The following TFB1M variants were observed in gnomAD, a reference collection of about 807,000 sequenced individuals.
TFB1M encodes transcription factor B1, mitochondrial.
TFB1M carries 27 observed loss-of-function variants against 31.1 expected under a neutral mutation model. The ratio of observed to expected loss-of-function variants is 0.87; its 90% CI spans 0.64 to 1.20. The LOEUF (loss-of-function observed/expected upper bound fraction) is 1.20, where lower values mean the gene tolerates loss of function less well. Ranked by LOEUF, TFB1M falls within the 50% of genes most tolerant of loss-of-function variation. TFB1M has a pLI of 0.00. For missense variants in TFB1M, 394 were observed against 418.7 expected, an observed-to-expected ratio of 0.94 and a Z score of 0.51; for synonymous variants, 166 against 151.8, an observed-to-expected ratio of 1.09 and a Z score of -0.69.
the TFB1M span, among the ~76,000 whole-genome samples, chr6:155,243,846 C>CAAAAAAAAAAAAAA: frequency 2.5e-4 from 14 of 55,052 alleles, no homozygotes; most frequent in African/African-American, 1.0e-3. Context: ...GACTCCGTCT[C>CAAAAAAAAAAAAAA]AAAAAAAAAA....
intron 5 of TFB1M, among the ~76,000 whole-genome samples, chr6:155,269,157 C>T (rs1030580822): frequency 4.0e-5 from 6 of 151,692 alleles, no homozygotes; most frequent in Non-Finnish European, 8.8e-5. Flanking sequence ...AGAGGTAGGA[C>T]TTACAAATAT....
chr6:155,262,936 A>G (rs1382865518), intron 5 of TFB1M, among the ~76,000 whole-genome samples: 1 of 152,264 alleles, frequency 6.6e-6, no homozygotes. Flanking sequence ...GTTTGAATAC[A>G]ATTCCAATAC....
chr6:155,302,116 A>C (rs920376922), intron 2 of TFB1M, among the ~76,000 whole-genome samples: 1 of 152,228 alleles, frequency 6.6e-6, no homozygotes, highest in Non-Finnish European at 1.5e-5. Flanking sequence ...GAAAGAATTT[A>C]GGCAATTCTT....
downstream of TFB1M, chr6:155,255,966 C>T (rs1043290118): frequency 8.1e-5 from 15 of 184,198 alleles, no homozygotes; most frequent in Non-Finnish European, 1.6e-4. Flanking sequence ...GCAGAGATCA[C>T]ACCACTGCAC....
chr6:155,247,930 T>G, the TFB1M span: 1 of 1,521,682 alleles, frequency 6.6e-7, no homozygotes, highest in Admixed American at 2.0e-5. Context: ...CTATAAATGT[T>G]AAAAGAGAAA....
intron 5 of TFB1M, among the ~76,000 whole-genome samples, chr6:155,277,008 T>C (rs17086120): frequency 0.055 from 8,447 of 152,270 alleles, 297 homozygotes; most frequent in East Asian, 0.18. Flanking sequence ...ACTGAAGAAA[T>C]TGGTAAATGC....
At chr6:155,236,723 T>A in the TFB1M span, among the ~76,000 whole-genome samples, 65 of 152,270 alleles carry the variant, frequency 4.3e-4, no homozygotes, top group African/African-American at 1.5e-3. Flanking sequence ...CAAAGAGAGC[T>A]TGTGCAGAGA....
intron 5 of TFB1M, among the ~76,000 whole-genome samples, chr6:155,263,221 GT>G (rs1471418981): frequency 6.6e-6 from 1 of 152,070 alleles, no homozygotes; most frequent in Non-Finnish European, 1.5e-5. Context: ...ATACAAAAAT[GT>G]TTTTTACTTA....
chr6:155,268,491 T>C (rs930069532), intron 5 of TFB1M, among the ~76,000 whole-genome samples: 1 of 152,234 alleles, frequency 6.6e-6, no homozygotes, highest in Admixed American at 6.5e-5. Flanking sequence ...GTGGTATTGT[T>C]ATTTCCAAAA....
In TFB1M at chr6:155,297,395, G is replaced by T. The variant is rs182595698; in HGVS notation, c.395-291C>A. 6.6e-5 allele frequency among the ~76,000 whole-genome samples: 10 copies of T among 152,302 alleles called. No individual in the cohort carries two copies. The East Asian group carries it at 1.9e-3, about 29-fold the overall frequency. Reference sequence around the variant, plus strand: ...AAAAGAGTTGGCTTGAGGAAAAAGAGAATTCATTTTGGACATGATGAGGTT... The same window carrying T: ...AAAAGAGTTGGCTTGAGGAAAAAGATAATTCATTTTGGACATGATGAGGTT... On this transcript the variant is annotated intron_variant, in intron 3 of 6. Coordinates refer to ENST00000367166, the MANE Select transcript of TFB1M (RefSeq NM_016020.4).
chr6:155,280,944 T>C (rs1414854618), intron 5 of TFB1M, among the ~76,000 whole-genome samples: 1 of 152,252 alleles, frequency 6.6e-6, no homozygotes. Flanking sequence ...CATTAATTCA[T>C]CTACAATTTA....
intron 5 of TFB1M, among the ~76,000 whole-genome samples, chr6:155,262,405 C>T (rs74644502): frequency 0.041 from 6,171 of 152,188 alleles, 204 homozygotes; most frequent in Non-Finnish European, 0.063. Flanking sequence ...CCACTCTCTA[C>T]ACCTCGCCAG....
chr6:155,297,245 A>G, intron 3 of TFB1M, 141 bp from the exon 4 acceptor site: 1 of 866,358 alleles, frequency 1.2e-6, no homozygotes, highest in Admixed American at 2.7e-5. Flanking sequence ...TTTTTTTTTC[A>G]CTTATTATTC....
chr6:155,240,739 G>A, the TFB1M span: 18 of 1,587,834 alleles, frequency 1.1e-5, no homozygotes, highest in African/African-American at 2.7e-5. Flanking sequence ...TTATGCATTC[G>A]TGCCTCTTTG....
intron 2 of TFB1M, among the ~76,000 whole-genome samples, chr6:155,302,076 G>A (rs928219135): frequency 2.0e-5 from 3 of 152,162 alleles, no homozygotes; most frequent in Non-Finnish European, 4.4e-5. Flanking sequence ...GGTTTGGCTA[G>A]GCAGCTTTTT....
the TFB1M span, chr6:155,251,015 G>A: frequency 6.2e-7 from 1 of 1,613,948 alleles, no homozygotes; most frequent in Non-Finnish European, 8.5e-7. Context: ...TGAGCTCACA[G>A]TATTTGGTTA....
intron 2 of TFB1M, 35 bp from the exon 3 acceptor site, chr6:155,298,620 A>C: frequency 7.2e-7 from 1 of 1,389,886 alleles, no homozygotes; most frequent in Non-Finnish European, 1.0e-6. Context: ...ATGAGCTCAT[A>C]TACTTATGCG....
rs1777829736 is a variant in TFB1M at position 155,307,407 on chromosome 6, A to C, written c.285+3781T>G. Reference sequence around the variant, plus strand: ...GGCAAGTAGGAGCAAGTCACATCCTACGTGGATGGCAACAGGCAAAGAGAG... The same window carrying C: ...GGCAAGTAGGAGCAAGTCACATCCTCCGTGGATGGCAACAGGCAAAGAGAG... On this transcript the variant is annotated intron_variant, in intron 2 of 6. Transcript: ENST00000367166. Among the ~76,000 whole-genome samples the C allele has an allele frequency of 2.0e-5, 3 of 152,144 alleles. No homozygotes were observed. In the South Asian group the frequency reaches 6.2e-4, roughly 31 times the overall value.
At chr6:155,272,721 G>GA (rs1784992584) in intron 5 of TFB1M, among the ~76,000 whole-genome samples, 1 of 151,566 alleles carries the variant, frequency 6.6e-6, no homozygotes, top group Non-Finnish European at 1.5e-5. Context: ...TCTCTATGCA[G>GA]AAAAAAAAGC....
Sources: allele counts gnomAD v4.1 joint callset (sites outside exome capture counted in the v4.1 genomes callset), GRCh38; gene constraint gnomAD v4.1.1; transcripts MANE v1.5; gene names NCBI Gene and HGNC (gene_info 2026-07-23, HGNC 2026-07-21).